The following ATRNL1 variants were observed in gnomAD, a reference collection of about 807,000 sequenced individuals.
ATRNL1 encodes the protein attractin like 1.
ATRNL1 carries 95 observed loss-of-function variants against 182.7 expected under a neutral mutation model. The ratio of observed to expected loss-of-function variants is 0.52; its 90% CI spans 0.44 to 0.62. The LOEUF (loss-of-function observed/expected upper bound fraction) is 0.62, where lower values mean the gene tolerates loss of function less well. Among genes scored for constraint, ATRNL1 ranks in the 20% least tolerant of loss-of-function variants. The probability of loss-of-function intolerance (pLI) is 0.00; values close to 1 mark genes in which losing one functional copy is unlikely to be tolerated. For synonymous variants in ATRNL1, 576 were observed against 568.3 expected (o/e 1.01, Z -0.19); for missense variants, 1,471 against 1,679.5 (o/e 0.88, Z 2.17).
At chr10:115,291,359 G>A (rs1852894578) in intron 15 of ATRNL1, among the ~76,000 whole-genome samples, 1 of 152,136 alleles carries the variant, frequency 6.6e-6, no homozygotes, top group Non-Finnish European at 1.5e-5. Flanking sequence ...TTAAATAATT[G>A]TGGTGAGAAT....
rs545491405 is a variant in ATRNL1 at position 115,554,783 on chromosome 10, C to CA, written c.3795+5254dup. Among the ~76,000 whole-genome samples the CA allele has an allele frequency of 1.5e-3, 227 of 151,410 alleles. 1 individual carries two copies. The highest frequency in any genetic ancestry group is 4.7e-3 in the Admixed American group (72 of 15,194). On this transcript the variant is annotated intron_variant, in intron 26 of 28. Coordinates refer to ENST00000355044, the MANE Select transcript of ATRNL1 (RefSeq NM_207303.4). ...TCATAATTATACACAGGATTAATTT[C>CA]AAAAAAACCCCTAAACAAAAAAACT... is the stretch of plus-strand genomic sequence containing the variant.
At chr10:115,704,690 T>C (rs1404487987) in intron 26 of ATRNL1, among the ~76,000 whole-genome samples, 1 of 151,888 alleles carries the variant, frequency 6.6e-6, no homozygotes, top group African/African-American at 2.4e-5. Flanking sequence ...TATAGAATAC[T>C]TTTTGTGATA....
chr10:115,559,445 C>CGCGCGT (rs1483960877), intron 26 of ATRNL1, among the ~76,000 whole-genome samples: 87 of 83,766 alleles, frequency 1.0e-3, no homozygotes, highest in Non-Finnish European at 1.9e-3. Context: ...TGTGTGTGTG[C>CGCGCGT]GCGCGCGCAC....
At chr10:115,873,687 T>A (rs926298711) in intron 28 of ATRNL1, among the ~76,000 whole-genome samples, 1 of 152,188 alleles carries the variant, frequency 6.6e-6, no homozygotes, top group Non-Finnish European at 1.5e-5. Context: ...TTTACTGTAT[T>A]GATTGACTAT....
intron 8 of ATRNL1, among the ~76,000 whole-genome samples, chr10:115,177,912 GT>G (rs1410691720): frequency 0.097 from 6,872 of 70,922 alleles, 127 homozygotes; most frequent in Non-Finnish European, 0.12. Flanking sequence ...TGTTTTTTTT[GT>G]TTTTTTTTTT....
intron 8 of ATRNL1, among the ~76,000 whole-genome samples, chr10:115,182,110 A>G (rs1340454738): frequency 6.6e-6 from 1 of 151,608 alleles, no homozygotes; most frequent in Non-Finnish European, 1.5e-5. Flanking sequence ...ATGCCCCAAC[A>G]CTTTAAAACA....
chr10:115,633,937 A>G (rs1858691831), intron 26 of ATRNL1, among the ~76,000 whole-genome samples: 3 of 152,062 alleles, frequency 2.0e-5, no homozygotes, highest in South Asian at 4.1e-4. Flanking sequence ...AAATAAATTT[A>G]CCTTTATTAT....
chr10:115,226,216 T>C (rs782078920), intron 9 of ATRNL1, among the ~76,000 whole-genome samples: 13 of 151,930 alleles, frequency 8.6e-5, no homozygotes, highest in Non-Finnish European at 1.5e-4. Flanking sequence ...TTGGAAAAAA[T>C]GAATATTAAG....
At chr10:115,473,694 C>T (rs184537964) in intron 24 of ATRNL1, among the ~76,000 whole-genome samples, 14 of 151,228 alleles carry the variant, frequency 9.3e-5, no homozygotes, top group African/African-American at 2.7e-4. Context: ...GTGAAGTCAT[C>T]GATTCCTGAG....
intron 7 of ATRNL1, among the ~76,000 whole-genome samples, chr10:115,166,958 A>C (rs1355314251): frequency 1.3e-5 from 2 of 151,850 alleles, no homozygotes; most frequent in Non-Finnish European, 2.9e-5. Context: ...TTTGTGTCAT[A>C]TGCAAGAAAT....
intron 27 of ATRNL1, among the ~76,000 whole-genome samples, chr10:115,784,657 T>C (rs1949352227): frequency 6.6e-6 from 1 of 152,206 alleles, no homozygotes; most frequent in Non-Finnish European, 1.5e-5. Context: ...TGCCTCTCTC[T>C]TAGCTGTTGG....
intron 28 of ATRNL1, among the ~76,000 whole-genome samples, chr10:115,909,131 C>T (rs1187494702): frequency 6.6e-6 from 1 of 151,984 alleles, no homozygotes. Context: ...CTGTAGTGAA[C>T]TTGTTTTCTC....
At chr10:115,675,231 A>G (rs782554665) in intron 26 of ATRNL1, among the ~76,000 whole-genome samples, 4 of 152,086 alleles carry the variant, frequency 2.6e-5, no homozygotes, top group African/African-American at 9.7e-5. Flanking sequence ...AACTAAAAAG[A>G]TTAGCCTGTA....
At chr10:115,912,731 T>C (rs939772119) in intron 28 of ATRNL1, among the ~76,000 whole-genome samples, 3 of 152,136 alleles carry the variant, frequency 2.0e-5, no homozygotes, top group Non-Finnish European at 4.4e-5. Context: ...CTGTGCTGTA[T>C]CATAATAATG....
At chr10:115,474,774 A>T (rs1359159489) in intron 24 of ATRNL1, among the ~76,000 whole-genome samples, 1 of 151,478 alleles carries the variant, frequency 6.6e-6, no homozygotes, top group Non-Finnish European at 1.5e-5. Context: ...AAATTTGGTG[A>T]TACAAACAAG....
chr10:115,264,841 A>G (rs1851539860), intron 10 of ATRNL1, among the ~76,000 whole-genome samples: 1 of 151,664 alleles, frequency 6.6e-6, no homozygotes, highest in South Asian at 2.1e-4. Flanking sequence ...ACTTTCAAAG[A>G]GGTGTGCCCT....
chr10:115,640,463 G>A (rs986946795), intron 26 of ATRNL1, among the ~76,000 whole-genome samples: 2 of 152,030 alleles, frequency 1.3e-5, no homozygotes, highest in Non-Finnish European at 1.5e-5. Context: ...TTTAGTGATC[G>A]CCATTCAAAC....
At chr10:115,689,073 A>G (rs2133967934) in intron 26 of ATRNL1, among the ~76,000 whole-genome samples, 1 of 152,086 alleles carries the variant, frequency 6.6e-6, no homozygotes, top group Non-Finnish European at 1.5e-5. Flanking sequence ...TCCCTAGTGT[A>G]TGTTCTTGGT....
intron 19 of ATRNL1, among the ~76,000 whole-genome samples, chr10:115,369,302 G>T (rs1857258758): frequency 1.3e-5 from 2 of 148,624 alleles, no homozygotes; most frequent in Non-Finnish European, 1.5e-5. Context: ...TTGGGGTTCT[G>T]TGAGGGGGAA....
Sources: allele counts gnomAD v4.1 joint callset (sites outside exome capture counted in the v4.1 genomes callset), GRCh38; gene constraint gnomAD v4.1.1; transcripts MANE v1.5; gene names NCBI Gene and HGNC (gene_info 2026-07-23, HGNC 2026-07-21).